The following AKT3 variants were observed in gnomAD, a reference collection of about 807,000 sequenced individuals.
AKT3 encodes the protein RAC-gamma serine/threonine-protein kinase.
In AKT3, 15 loss-of-function variants were observed where a neutral mutation model predicts 65.3. That is an observed-to-expected ratio of 0.23 (90% CI 0.15 to 0.35). AKT3 has a LOEUF of 0.35. AKT3 is among the 10% of genes least tolerant of loss of function. The pLI is 1.00. For missense variants in AKT3, 243 were observed against 576.5 expected, an observed-to-expected ratio of 0.42 and a Z score of 5.92; for synonymous variants, 206 against 183.8, an observed-to-expected ratio of 1.12 and a Z score of -0.98.
At chr1:243,811,772 T>C (rs1276885180) in intron 2 of AKT3, among the ~76,000 whole-genome samples, 2 of 152,156 alleles carry the variant, frequency 1.3e-5, no homozygotes, top group African/African-American at 2.4e-5. Flanking sequence ...CTTCAAATTA[T>C]ACTACAAGGC....
At chr1:243,567,646 T>C (rs1674264545) in intron 9 of AKT3, among the ~76,000 whole-genome samples, 1 of 152,044 alleles carries the variant, frequency 6.6e-6, no homozygotes, top group Non-Finnish European at 1.5e-5. Context: ...TTCCCAGTTA[T>C]TTTGAAGTAG....
chr1:243,512,556 G>C, intron 12 of AKT3, 130 bp from the exon 13 acceptor site: 1 of 606,764 alleles, frequency 1.6e-6, no homozygotes, highest in South Asian at 2.1e-5. Flanking sequence ...CGCTGGGTAA[G>C]GGAGACATGA....
At chr1:243,628,181 A>T (rs1679326641) in intron 6 of AKT3, among the ~76,000 whole-genome samples, 1 of 152,334 alleles carries the variant, frequency 6.6e-6, no homozygotes, top group East Asian at 1.9e-4. Context: ...AACCTAAAAT[A>T]TCCATGTCTT....
intron 2 of AKT3, among the ~76,000 whole-genome samples, chr1:243,736,869 A>G (rs963008850): frequency 6.6e-6 from 1 of 152,196 alleles, no homozygotes; most frequent in African/African-American, 2.4e-5. Context: ...AACAGATAAC[A>G]GCCATGCAAC....
intron 2 of AKT3, among the ~76,000 whole-genome samples, chr1:243,807,057 T>G (rs1393740183): frequency 6.6e-6 from 1 of 152,162 alleles, no homozygotes; most frequent in East Asian, 1.9e-4. Flanking sequence ...AGGGAGCAGT[T>G]CCAAGATGGC....
At chr1:243,497,482 CT>C (rs1305799428), downstream of AKT3, among the ~76,000 whole-genome samples, 1 of 152,112 alleles carries the variant, frequency 6.6e-6, no homozygotes, top group Non-Finnish European at 1.5e-5. Flanking sequence ...ATCAGGCTGA[CT>C]TTTGATTGGT....
chr1:243,804,922 T>C (rs950856255), intron 2 of AKT3, among the ~76,000 whole-genome samples: 4 of 152,158 alleles, frequency 2.6e-5, no homozygotes, highest in Non-Finnish European at 2.9e-5. Flanking sequence ...ACTGCATTTT[T>C]AAATAGTATT....
chr1:243,500,397 G>C lies in AKT3; in HGVS notation c.*4852C>G, dbSNP rs953922505. 5.8e-5 allele frequency: 13 copies of C among 225,260 alleles called. No homozygotes were observed. Among genetic ancestry groups the C allele is most frequent in the African/African-American group, 2.5e-4 (11 of 44,858 alleles). The allele number at this position is 225,260 out of a possible 1,614,324, so 14.0% of individuals were successfully genotyped here. On this transcript the variant is annotated 3_prime_UTR_variant, in exon 14 of 14. Transcript: ENST00000673466. ...CAGACAAAAAAGCATCTTTGGCTCG[G>C]TGGTGTCAGATTTTTTTCTTCAATA...
At chr1:243,628,280 T>C (rs980225270) in intron 6 of AKT3, among the ~76,000 whole-genome samples, 2 of 152,062 alleles carry the variant, frequency 1.3e-5, no homozygotes, top group African/African-American at 4.8e-5. Context: ...AAGAAGACAC[T>C]TACCATATTC....
At chr1:243,810,745 C>T (rs1477585953) in intron 2 of AKT3, among the ~76,000 whole-genome samples, 1 of 152,080 alleles carries the variant, frequency 6.6e-6, no homozygotes, top group East Asian at 1.9e-4. Flanking sequence ...TTTAGACCAA[C>T]ATCCCTGATG....
chr1:243,804,673 T>C (rs1053541622), intron 2 of AKT3, among the ~76,000 whole-genome samples: 1 of 152,002 alleles, frequency 6.6e-6, no homozygotes, highest in Non-Finnish European at 1.5e-5. Flanking sequence ...AGTGAAACCC[T>C]GTCTCTACTA....
chr1:243,643,507 C>A (rs532437810), intron 5 of AKT3, among the ~76,000 whole-genome samples: 70 of 152,360 alleles, frequency 4.6e-4, no homozygotes, highest in African/African-American at 1.7e-3. Flanking sequence ...TCCTCTGAAA[C>A]GCTATCTTTT....
intron 2 of AKT3, among the ~76,000 whole-genome samples, chr1:243,726,253 G>C (rs949557116): frequency 1.3e-5 from 2 of 152,108 alleles, no homozygotes; most frequent in African/African-American, 4.8e-5. Context: ...GATAATATCA[G>C]AACAAGACTG....
chr1:243,692,401 T>C (rs925086393), intron 3 of AKT3, among the ~76,000 whole-genome samples: 1 of 152,118 alleles, frequency 6.6e-6, no homozygotes, highest in Admixed American at 6.5e-5. Context: ...CCTTAGTCCT[T>C]ATGACTATCC....
rs1440793926 is a variant in AKT3 at position 243,503,060 on chromosome 1, T to A, written c.*2189A>T. 1.3e-5 allele frequency: 3 copies of A among 233,518 alleles called. No homozygotes were observed. Among genetic ancestry groups the A allele is most frequent in the African/African-American group, 6.6e-5 (3 of 45,318 alleles). The allele number at this position is 233,518 out of a possible 1,614,324, so 14.5% of individuals were successfully genotyped here. ...AACTTAAAGAACATACCTTCTAGTC[T>A]ACTTTTTTGTCAAAATGAAACATTC... On this transcript the variant is annotated 3_prime_UTR_variant, in exon 14 of 14. Transcript: ENST00000673466.
rs79457418 is a variant in AKT3 at position 243,513,880 on chromosome 1, A to G, written c.1252-1454T>C. Among the ~76,000 whole-genome samples the G allele has an allele frequency of 1.7e-3, 265 of 152,312 alleles. 4 individuals carry two copies. The East Asian group carries it at 0.045, about 26-fold the overall frequency. The stretch of plus-strand genomic sequence containing the variant: ...AGCTGCCCTGCTGGATCCCCTGGAC[A>G]TGAGCAAGCAGGTCACTCCACTGCT... On this transcript the variant is annotated intron_variant, in intron 12 of 13. Coordinates refer to ENST00000673466, the MANE Select transcript of AKT3 (RefSeq NM_005465.7).
intron 2 of AKT3, among the ~76,000 whole-genome samples, chr1:243,796,693 C>T (rs368497364): frequency 2.0e-5 from 3 of 152,106 alleles, no homozygotes; most frequent in Admixed American, 6.5e-5. Context: ...CTGCTTGTAA[C>T]GTTCTTCTTC....
At chr1:243,789,158 G>A (rs1187012741) in intron 2 of AKT3, among the ~76,000 whole-genome samples, 4 of 152,186 alleles carry the variant, frequency 2.6e-5, no homozygotes, top group Non-Finnish European at 5.9e-5. Flanking sequence ...CAGGAGGATC[G>A]CCTGAAGCGA....
chr1:243,698,599 T>C (rs1016938340), intron 2 of AKT3, among the ~76,000 whole-genome samples: 2 of 152,058 alleles, frequency 1.3e-5, no homozygotes, highest in Admixed American at 6.6e-5. Context: ...TATTTAAAAA[T>C]AAATGTATTA....
Sources: gnomAD v4.1 joint callset for allele counts (sites outside exome capture counted in the v4.1 genomes callset) on GRCh38, gnomAD v4.1.1 for gene constraint, MANE v1.5 for transcripts, NCBI Gene and HGNC (gene_info 2026-07-23, HGNC 2026-07-21) for gene names.